Variants in STAM observed in about 807,000 individuals in gnomAD.
STAM encodes the protein signal transducing adaptor molecule, also known as signal transducing adapter molecule 1.
Under a neutral mutation model 63.4 loss-of-function variants are expected in STAM, and 16 were observed. That is an observed-to-expected ratio of 0.25 (90% CI 0.17 to 0.38). STAM has a LOEUF of 0.38. Ranked by LOEUF, STAM falls within the 10% of genes least tolerant of loss-of-function variation. The pLI, the probability that STAM is intolerant of heterozygous loss-of-function variation, is 1.00. For synonymous variants in STAM, 238 were observed against 223.9 expected, an observed-to-expected ratio of 1.06 and a Z score of -0.56; for missense variants, 636 against 657.1, an observed-to-expected ratio of 0.97 and a Z score of 0.35.
intron 2 of STAM, among the ~76,000 whole-genome samples, chr10:17,677,755 C>T (rs544349853): frequency 6.6e-6 from 1 of 152,274 alleles, no homozygotes; most frequent in Admixed American, 6.5e-5. Context: ...TGTGTTGTTT[C>T]TCCCTTCACC....
At chr10:17,687,850 G>T (rs765995368) in intron 4 of STAM, among the ~76,000 whole-genome samples, 177 bp from the exon 5 acceptor site, 4 of 151,938 alleles carry the variant, frequency 2.6e-5, no homozygotes, top group Non-Finnish European at 4.4e-5. Context: ...TATATATGAT[G>T]GGTTTTTTCA....
In STAM at chr10:17,687,495, C is replaced by T. The variant is rs534973195; in HGVS notation, c.298-532C>T. On this transcript the variant is annotated intron_variant, in intron 4 of 13. Transcript: ENST00000377524. ...CAGGGTGAGACTCTGTCTCAAAAAACAAACCAAAAAAAAAGAAAAGAAAAG... is the reference window on the plus strand; with the variant it reads ...CAGGGTGAGACTCTGTCTCAAAAAATAAACCAAAAAAAAAGAAAAGAAAAG... 6.7e-3 allele frequency among the ~76,000 whole-genome samples: 681 copies of T among 101,388 alleles called. 2 individuals carry two copies. Among genetic ancestry groups the T allele is most frequent in the Non-Finnish European group, 0.01 (494 of 47,990 alleles). 66.5% of individuals were successfully genotyped at this position (101,388 alleles called of 152,430 possible).
At chr10:17,677,778 T>C (rs1834914596) in intron 2 of STAM, among the ~76,000 whole-genome samples, 1 of 152,162 alleles carries the variant, frequency 6.6e-6, no homozygotes, top group Non-Finnish European at 1.5e-5. Flanking sequence ...GCTCTTTAGG[T>C]GGAAGCAGCC....
At chr10:17,660,783 G>T (rs1834137323) in intron 2 of STAM, among the ~76,000 whole-genome samples, 1 of 152,008 alleles carries the variant, frequency 6.6e-6, no homozygotes, top group Non-Finnish European at 1.5e-5. Context: ...GGATCAGGAG[G>T]TAAAGTATAT....
intron 11 of STAM, 85 bp downstream of exon 11, chr10:17,705,109 T>TAAA: frequency 9.8e-7 from 1 of 1,024,656 alleles, no homozygotes; most frequent in Non-Finnish European, 1.4e-6. Flanking sequence ...AACTGCCTTT[T>TAAA]AAAAAAAAAA....
intron 1 of STAM, among the ~76,000 whole-genome samples, chr10:17,649,187 T>A (rs917912929): frequency 4.6e-5 from 7 of 152,198 alleles, no homozygotes; most frequent in African/African-American, 1.7e-4. Context: ...GAGGATTCCT[T>A]GAGGCCAGGA....
At chr10:17,707,002 A>T (rs1419870093) in intron 12 of STAM, among the ~76,000 whole-genome samples, 1 of 152,234 alleles carries the variant, frequency 6.6e-6, no homozygotes, top group Non-Finnish European at 1.5e-5. Context: ...GCTTTACATG[A>T]GAATGCATGC....
At chr10:17,709,460 C>G (rs1836456135) in intron 13 of STAM, among the ~76,000 whole-genome samples, 1 of 152,136 alleles carries the variant, frequency 6.6e-6, no homozygotes. Flanking sequence ...GGTAAGCACC[C>G]TTGTTTCTCA....
At chr10:17,694,452 A>G (rs1028093133) in intron 6 of STAM, among the ~76,000 whole-genome samples, 10 of 152,186 alleles carry the variant, frequency 6.6e-5, no homozygotes, top group Non-Finnish European at 1.3e-4. Context: ...AATTGAAAGC[A>G]GGATAATCAA....
At chr10:17,687,397 A>G (rs1835337861) in intron 4 of STAM, among the ~76,000 whole-genome samples, 1 of 151,914 alleles carries the variant, frequency 6.6e-6, no homozygotes, top group Non-Finnish European at 1.5e-5. Context: ...CTTGAACCGC[A>G]TCCCCCACCC....
intron 5 of STAM, among the ~76,000 whole-genome samples, chr10:17,690,353 A>G (rs1380623245): frequency 2.0e-5 from 3 of 152,256 alleles, no homozygotes; most frequent in Non-Finnish European, 4.4e-5. Flanking sequence ...TTCAGGACAT[A>G]GAAGAGCAAT....
intron 4 of STAM, 137 bp from the exon 5 acceptor site, chr10:17,687,890 A>T (rs1379258105): frequency 1.7e-6 from 1 of 594,644 alleles, no homozygotes; most frequent in Non-Finnish European, 2.5e-6. Context: ...ATTTCGAATA[A>T]CTATATTTTC....
chr10:17,705,284 C>A (rs1200031752), intron 11 of STAM, among the ~76,000 whole-genome samples: 2 of 152,104 alleles, frequency 1.3e-5, no homozygotes, highest in Admixed American at 1.3e-4. Flanking sequence ...CTATGTAATT[C>A]TCTTTGCTGA....
chr10:17,666,525 G>T (rs1051961572), intron 2 of STAM, among the ~76,000 whole-genome samples: 5 of 151,430 alleles, frequency 3.3e-5, no homozygotes, highest in African/African-American at 7.3e-5. Context: ...CTCCTGAGTA[G>T]CTGGGACTAC....
At chr10:17,694,808 T>G in intron 6 of STAM, 2 of 374,716 alleles carry the variant, frequency 5.3e-6, no homozygotes, top group Admixed American at 8.5e-5. Context: ...TACATTGTAT[T>G]TGTTCAGTAA....
At chr10:17,651,542 C>T (rs1833742422) in intron 1 of STAM, among the ~76,000 whole-genome samples, 1 of 152,168 alleles carries the variant, frequency 6.6e-6, no homozygotes, top group African/African-American at 2.4e-5. Flanking sequence ...TTTGATTCTT[C>T]TGTCCCTATT....
chr10:17,680,011 T>G (rs368942442), intron 2 of STAM, among the ~76,000 whole-genome samples: 10 of 152,172 alleles, frequency 6.6e-5, no homozygotes, highest in East Asian at 3.9e-4. Context: ...TCAGTTTTGT[T>G]GATCCTTTAA....
intron 4 of STAM, among the ~76,000 whole-genome samples, chr10:17,685,685 G>C (rs922723644): frequency 1.9e-4 from 29 of 152,180 alleles, no homozygotes; most frequent in African/African-American, 6.8e-4. Flanking sequence ...CAAGGCCCCA[G>C]TTTGGGTCCA....
rs1400340597 is a variant in STAM, at chr10:17,694,916, G to A, written c.536-133G>A. ...ACTGACAAAATGATTTTTGTTCAATGTATCAGGATATGTTCTAGTTTCTAA... is the reference window on the plus strand; with the variant it reads ...ACTGACAAAATGATTTTTGTTCAATATATCAGGATATGTTCTAGTTTCTAA... On this transcript the variant is annotated intron_variant, in intron 6 of 13. Coordinates refer to ENST00000377524, the MANE Select transcript of STAM (RefSeq NM_003473.4). The A allele has an allele frequency of 4.2e-5, 30 of 706,438 alleles. 1 individual carries two copies. The highest frequency in any genetic ancestry group is 4.3e-6 in the Non-Finnish European group (2 of 462,200). 43.8% of individuals were successfully genotyped at this position (706,438 alleles called of 1,614,324 possible). A position where few individuals can be genotyped will look rare whatever the true frequency, so the allele number is the denominator to read the frequency against.
Sources: allele counts gnomAD v4.1 joint callset (sites outside exome capture counted in the v4.1 genomes callset), GRCh38; gene constraint gnomAD v4.1.1; transcripts MANE v1.5; gene names NCBI Gene and HGNC (gene_info 2026-07-23, HGNC 2026-07-21).